Variants in MLLT3 observed in about 807,000 individuals in gnomAD.
MLLT3 encodes the protein MLLT3 super elongation complex subunit, also known as protein AF-9.
In MLLT3, 4 loss-of-function variants were observed where a neutral mutation model predicts 53.2. The observed-to-expected ratio is 0.08, with a 90% CI of 0.04 to 0.17. The LOEUF (loss-of-function observed/expected upper bound fraction) is 0.17. MLLT3 is among the 10% of genes least tolerant of loss of function. The probability of loss-of-function intolerance (pLI) is 1.00; values close to 1 mark genes in which losing one functional copy is unlikely to be tolerated. For missense variants in MLLT3, 569 were observed against 684.0 expected (o/e 0.83, Z 1.87); for synonymous variants, 283 against 230.6 (o/e 1.23, Z -2.06).
At chr9:20,495,429 T>C (rs139784009) in intron 2 of MLLT3, among the ~76,000 whole-genome samples, 1 of 152,296 alleles carries the variant, frequency 6.6e-6, no homozygotes, top group East Asian at 1.9e-4. Context: ...CAGAATGATA[T>C]ACTATCTCCT....
At chr9:20,476,866 T>G (rs115738408) in intron 2 of MLLT3, among the ~76,000 whole-genome samples, 2,275 of 152,278 alleles carry the variant, frequency 0.015, 56 homozygotes, top group African/African-American at 0.051. Context: ...TGTCCTGATT[T>G]AAATTTATAT....
intron 2 of MLLT3, among the ~76,000 whole-genome samples, chr9:20,512,369 C>G (rs1179385313): frequency 6.6e-6 from 1 of 152,168 alleles, no homozygotes; most frequent in Admixed American, 6.5e-5. Context: ...GTTCTCCTAA[C>G]CTTAAAACAG....
At chr9:20,442,204 G>C (rs1426208512) in intron 4 of MLLT3, among the ~76,000 whole-genome samples, 77 of 152,162 alleles carry the variant, frequency 5.1e-4, no homozygotes, top group Non-Finnish European at 7.4e-5. Context: ...CCATCAGATT[G>C]GGGGAGAGGG....
Position 20,510,172 on chromosome 9 carries a change from AAT to A in MLLT3, c.194-53388_194-53387del, listed in dbSNP as rs1309395418. ...TGTGTAACACATCTGAAAAAGAGTT[AAT>A]GTCTTTAAAGAATTCCAACAACTTG... On this transcript the variant is annotated intron_variant, in intron 2 of 10. Coordinates refer to ENST00000380338, the MANE Select transcript of MLLT3 (RefSeq NM_004529.4). 2.6e-5 allele frequency among the ~76,000 whole-genome samples: 4 copies of A among 152,316 alleles called. No individual in the cohort carries two copies. The South Asian group carries it at 8.3e-4, about 32-fold the overall frequency.
chr9:20,423,615 C>T (rs1823070008), intron 4 of MLLT3, among the ~76,000 whole-genome samples: 1 of 151,138 alleles, frequency 6.6e-6, no homozygotes, highest in Non-Finnish European at 1.5e-5. Context: ...GGGTTCGAGA[C>T]CAGCCTGGGC....
At chr9:20,583,901 C>T (rs927466486) in intron 2 of MLLT3, among the ~76,000 whole-genome samples, 1 of 152,194 alleles carries the variant, frequency 6.6e-6, no homozygotes, top group African/African-American at 2.4e-5. Context: ...TAACATTAGG[C>T]TCCTTGCTAC....
intron 2 of MLLT3, among the ~76,000 whole-genome samples, chr9:20,488,881 C>A (rs1249413445): frequency 1.3e-5 from 2 of 152,148 alleles, no homozygotes; most frequent in East Asian, 3.8e-4. Flanking sequence ...AAAAGACTCA[C>A]CATGTGAATG....
At position 20,345,647 on chromosome 9, in the gene MLLT3, A is replaced by G. The variant is rs1321346952; in HGVS notation, c.*796T>C. 1 of 213,016 alleles carries G rather than the reference A, an allele frequency of 4.7e-6. No individual in the cohort carries two copies. The highest frequency in any genetic ancestry group is 9.5e-6 in the Non-Finnish European group (1 of 105,074). The allele number at this position is 213,016 out of a possible 1,614,324, so 13.2% of individuals were successfully genotyped here. The stretch of plus-strand genomic sequence containing the variant: ...TACACTTTTGTTTAAAAGTCCTACA[A>G]GTTTATTGACTAAGGCTAGACAGCA... On this transcript the variant is annotated 3_prime_UTR_variant, in exon 11 of 11. Transcript: ENST00000380338.
intron 2 of MLLT3, among the ~76,000 whole-genome samples, chr9:20,585,250 C>A (rs760488216): frequency 2.6e-5 from 4 of 152,098 alleles, no homozygotes; most frequent in Non-Finnish European, 5.9e-5. Context: ...AGGCAGGCCT[C>A]TTTTCAGTCT....
intron 2 of MLLT3, among the ~76,000 whole-genome samples, chr9:20,539,378 G>C (rs1818566558): frequency 6.6e-6 from 1 of 152,148 alleles, no homozygotes; most frequent in Middle Eastern, 3.2e-3. Context: ...GTGCTATAAA[G>C]AACTACCTGA....
intron 2 of MLLT3, among the ~76,000 whole-genome samples, chr9:20,494,759 A>T (rs948426923): frequency 6.6e-6 from 1 of 152,162 alleles, no homozygotes; most frequent in African/African-American, 2.4e-5. Context: ...ATGCTGTTCA[A>T]AATTACTCAA....
rs1230357633 is a variant in MLLT3, at chr9:20,353,741, G to A, written c.1504-145C>T. ...CTAGCCCAGGCTGTGTGCACTCAGT[G>A]CCCAAAGGCCTCTGCAGAACAAGCC... is the stretch of plus-strand genomic sequence containing the variant. On this transcript the variant is annotated intron_variant, in intron 9 of 10. Coordinates refer to ENST00000380338, the MANE Select transcript of MLLT3 (RefSeq NM_004529.4). 1.3e-5 allele frequency: 9 copies of A among 670,732 alleles called. No homozygotes were observed. The East Asian group carries it at 2.1e-4, about 16-fold the overall frequency. 41.5% of individuals were successfully genotyped at this position (670,732 alleles called of 1,614,324 possible).
At chr9:20,453,972 A>G (rs554940156) in intron 3 of MLLT3, among the ~76,000 whole-genome samples, 1 of 152,328 alleles carries the variant, frequency 6.6e-6, no homozygotes, top group East Asian at 1.9e-4. Context: ...TGAAATTTTA[A>G]AGAAAGCCTA....
chr9:20,406,177 A>C (rs561234095), intron 5 of MLLT3, among the ~76,000 whole-genome samples: 2 of 152,274 alleles, frequency 1.3e-5, no homozygotes, highest in African/African-American at 4.8e-5. Flanking sequence ...TGGGAGGCTG[A>C]GGCAGGAGGA....
At chr9:20,411,223 G>A (rs186097274) in intron 5 of MLLT3, 1 of 152,922 alleles carries the variant, frequency 6.5e-6, no homozygotes. Context: ...TCCATTACAA[G>A]TGTCCCCTGT....
chr9:20,607,374 G>C (rs1257300918), intron 2 of MLLT3, among the ~76,000 whole-genome samples: 1 of 151,960 alleles, frequency 6.6e-6, no homozygotes, highest in Non-Finnish European at 1.5e-5. Flanking sequence ...CCTCATTCTT[G>C]TATACACCTT....
intron 7 of MLLT3, 80 bp downstream of exon 7, chr9:20,363,396 T>C: frequency 6.7e-7 from 1 of 1,488,094 alleles, no homozygotes; most frequent in Non-Finnish European, 9.1e-7. Flanking sequence ...GTTTCACACC[T>C]TTGCTGTGAT....
At chr9:20,523,883 T>C (rs1440788411) in intron 2 of MLLT3, among the ~76,000 whole-genome samples, 2 of 151,310 alleles carry the variant, frequency 1.3e-5, no homozygotes, top group Admixed American at 6.6e-5. Context: ...AAATGGGAAG[T>C]TCGCTTGAGT....
intron 2 of MLLT3, among the ~76,000 whole-genome samples, chr9:20,526,055 A>G (rs1818193109): frequency 6.6e-6 from 1 of 152,192 alleles, no homozygotes; most frequent in East Asian, 1.9e-4. Flanking sequence ...AAATACTGTA[A>G]CATTTCATGG....
Sources: gnomAD v4.1 joint callset for allele counts (sites outside exome capture counted in the v4.1 genomes callset) on GRCh38, gnomAD v4.1.1 for gene constraint, MANE v1.5 for transcripts, NCBI Gene and HGNC (gene_info 2026-07-23, HGNC 2026-07-21) for gene names.